Variants in HERC3 observed in about 807,000 individuals in gnomAD.
The protein encoded by HERC3 is probable E3 ubiquitin-protein ligase HERC3.
HERC3 carries 58 observed loss-of-function variants against 129.9 expected under a neutral mutation model. The observed-to-expected ratio is 0.45, with a 90% CI of 0.36 to 0.56. The LOEUF is 0.56. Among genes scored for constraint, HERC3 ranks in the 20% least tolerant of loss-of-function variants. The pLI is 0.00. For synonymous variants in HERC3, 430 were observed against 451.0 expected (o/e 0.95, Z 0.59); for missense variants, 835 against 1,244.2 (o/e 0.67, Z 4.95).
chr4:88,540,748 C>G, the HERC3 span, among the ~76,000 whole-genome samples: 1 of 152,118 alleles, frequency 6.6e-6, no homozygotes, highest in Admixed American at 6.5e-5. Flanking sequence ...GCAGATCTCT[C>G]GGCAGAAACT....
chr4:88,652,492 T>G (rs576023480), intron 5 of HERC3, among the ~76,000 whole-genome samples: 1 of 152,332 alleles, frequency 6.6e-6, no homozygotes, highest in African/African-American at 2.4e-5. Context: ...CTTGATTATC[T>G]GCAGAGCAGA....
intron 3 of HERC3, among the ~76,000 whole-genome samples, chr4:88,647,095 G>A (rs1367384964): frequency 1.3e-5 from 2 of 152,132 alleles, no homozygotes; most frequent in African/African-American, 4.8e-5. Flanking sequence ...CGGCTGGTGA[G>A]TGATGGGACA....
At chr4:88,683,551 T>G (rs1301005887) in intron 21 of HERC3, among the ~76,000 whole-genome samples, 1 of 152,200 alleles carries the variant, frequency 6.6e-6, no homozygotes, top group Non-Finnish European at 1.5e-5. Flanking sequence ...AGTAATGACT[T>G]TGGCTGATTA....
intron 10 of HERC3, among the ~76,000 whole-genome samples, chr4:88,660,347 G>A (rs1331674021): frequency 6.6e-6 from 1 of 152,076 alleles, no homozygotes; most frequent in East Asian, 1.9e-4. Flanking sequence ...GATTACAGGC[G>A]TCCGCTACCA....
intron 9 of HERC3, 126 bp from the exon 10 acceptor site, chr4:88,658,285 TCTTA>T (rs1730130264): frequency 3.9e-6 from 2 of 514,220 alleles, no homozygotes; most frequent in Admixed American, 3.5e-5. Flanking sequence ...GGAGAAGATT[TCTTA>T]CTTCTGTGAC....
chr4:88,653,109 T>G lies in HERC3; in HGVS notation c.685+19T>G. The G allele has an allele frequency of 6.2e-7, 1 of 1,609,680 alleles. No individual in the cohort carries two copies. The highest frequency in any genetic ancestry group is 8.5e-7 in the Non-Finnish European group (1 of 1,176,328). On this transcript the variant is annotated intron_variant, in intron 6 of 25. Transcript: ENST00000402738. ...GAAAAAGGTAGGTAAACCCTTCATA[T>G]GTATGTATTTAGTTTAAAAGCACAT...
chr4:88,585,326 T>C, the HERC3 span, among the ~76,000 whole-genome samples: 1 of 152,320 alleles, frequency 6.6e-6, no homozygotes, highest in Middle Eastern at 3.4e-3. Context: ...CATGTCCATC[T>C]TGTAGTTGGT....
chr4:88,533,707 A>G, the HERC3 span, among the ~76,000 whole-genome samples: 9 of 152,320 alleles, frequency 5.9e-5, no homozygotes, highest in East Asian at 1.7e-3. Flanking sequence ...TTTGATCTTA[A>G]TAGTCATGAT....
In HERC3 at chr4:88,643,981, A is replaced by G. The variant is rs533220857; in HGVS notation, c.227-5859A>G. On this transcript the variant is annotated intron_variant, in intron 3 of 25. Coordinates refer to ENST00000402738, the MANE Select transcript of HERC3 (RefSeq NM_014606.3). ...TTTTAAAAATTGGCAAGAACTTCGAACAGACATTTATCCAAAGAGGATGGA... is the reference window on the plus strand; with the variant it reads ...TTTTAAAAATTGGCAAGAACTTCGAGCAGACATTTATCCAAAGAGGATGGA... 3.6e-4 allele frequency among the ~76,000 whole-genome samples: 55 copies of G among 152,336 alleles called. 2 individuals are homozygous for G. In the South Asian group the frequency reaches 8.3e-3, roughly 23 times the overall value.
At chr4:88,619,324 C>A (rs1185333586) in intron 3 of HERC3, among the ~76,000 whole-genome samples, 1 of 152,110 alleles carries the variant, frequency 6.6e-6, no homozygotes, top group East Asian at 1.9e-4. Context: ...TATTTCTGGT[C>A]AAGACTGCAT....
chr4:88,563,192 G>C, the HERC3 span, among the ~76,000 whole-genome samples: 1 of 152,108 alleles, frequency 6.6e-6, no homozygotes, highest in East Asian at 1.9e-4. Context: ...GTGTTTTATA[G>C]TTTCCATCAC....
intron 3 of HERC3, among the ~76,000 whole-genome samples, chr4:88,628,440 T>G (rs190721298): frequency 7.0e-4 from 107 of 152,336 alleles, no homozygotes; most frequent in Middle Eastern, 3.4e-3. Context: ...GTGGGTTTTT[T>G]TTTAAAAGGC....
intron 2 of HERC3, among the ~76,000 whole-genome samples, chr4:88,596,100 C>T (rs1005609409): frequency 1.3e-5 from 2 of 152,102 alleles, no homozygotes; most frequent in Non-Finnish European, 2.9e-5. Flanking sequence ...CCGCCTGCCT[C>T]GGCCTTCCAA....
intron 2 of HERC3, among the ~76,000 whole-genome samples, chr4:88,599,165 G>A (rs1446310725): frequency 2.0e-5 from 3 of 152,168 alleles, no homozygotes; most frequent in African/African-American, 7.2e-5. Flanking sequence ...ACAAGATTTA[G>A]GGGTCCAACT....
At chr4:88,547,646 G>A in the HERC3 span, among the ~76,000 whole-genome samples, 3 of 151,970 alleles carry the variant, frequency 2.0e-5, no homozygotes, top group Non-Finnish European at 4.4e-5. Context: ...CTTTCATTTA[G>A]CATAAAGTTT....
chr4:88,692,830 T>C (rs1391529073), intron 23 of HERC3: 3 of 916,412 alleles, frequency 3.3e-6, no homozygotes, highest in African/African-American at 3.6e-5. Context: ...CTGCGCTCCA[T>C]GGGTACCAGC....
chr4:88,645,953 C>T (rs977008918), intron 3 of HERC3, among the ~76,000 whole-genome samples: 8 of 152,124 alleles, frequency 5.3e-5, no homozygotes, highest in Admixed American at 1.3e-4. Flanking sequence ...AGTTAGTTTT[C>T]CATTATCCAT....
intron 2 of HERC3, among the ~76,000 whole-genome samples, chr4:88,597,209 C>T (rs1722494684): frequency 6.6e-6 from 1 of 152,184 alleles, no homozygotes; most frequent in Non-Finnish European, 1.5e-5. Context: ...GGGCTACTTA[C>T]ATTAAAATTT....
intron 14 of HERC3, 141 bp downstream of exon 14, chr4:88,668,222 C>A: frequency 4.8e-6 from 3 of 625,486 alleles, no homozygotes; most frequent in South Asian, 2.3e-5. Context: ...TTTTTCTTTG[C>A]TGTTAATTTT....
Sources: gnomAD v4.1 joint callset for allele counts (sites outside exome capture counted in the v4.1 genomes callset) on GRCh38, gnomAD v4.1.1 for gene constraint, MANE v1.5 for transcripts, NCBI Gene and HGNC (gene_info 2026-07-23, HGNC 2026-07-21) for gene names.